The following SGK1 variants were observed in gnomAD, a reference collection of about 807,000 sequenced individuals.
SGK1 encodes serine/threonine-protein kinase Sgk1.
SGK1 carries 26 observed loss-of-function variants against 64.2 expected under a neutral mutation model. That is an observed-to-expected ratio of 0.40 (90% CI 0.30 to 0.56). SGK1 has a LOEUF of 0.56. Ranked by LOEUF, SGK1 falls within the 20% of genes least tolerant of loss-of-function variation. The pLI, the probability that SGK1 is intolerant of heterozygous loss-of-function variation, is 0.38. For missense variants in SGK1, 519 were observed against 645.6 expected (o/e 0.80, Z 2.12); for synonymous variants, 265 against 239.7 (o/e 1.11, Z -0.98).
intron 3 of SGK1, among the ~76,000 whole-genome samples, chr6:134,190,004 C>T (rs1298212217): frequency 1.3e-5 from 2 of 152,112 alleles, no homozygotes; most frequent in Non-Finnish European, 2.9e-5. Context: ...CACGCGCCAC[C>T]ATGCCCGGCT....
chr6:134,254,686 C>G (rs909983187), intron 2 of SGK1, among the ~76,000 whole-genome samples: 1 of 152,170 alleles, frequency 6.6e-6, no homozygotes, highest in Non-Finnish European at 1.5e-5. Context: ...CATACTTCCA[C>G]GTCTTTTAAT....
intron 2 of SGK1, among the ~76,000 whole-genome samples, chr6:134,238,857 G>A (rs62425170): frequency 0.078 from 11,947 of 152,230 alleles, 804 homozygotes; most frequent in East Asian, 0.26. Flanking sequence ...GAGATGCCAT[G>A]AACTGTGGGA....
chr6:134,265,121 A>G (rs1204452751), intron 1 of SGK1, among the ~76,000 whole-genome samples: 1 of 152,236 alleles, frequency 6.6e-6, no homozygotes, highest in Non-Finnish European at 1.5e-5. Flanking sequence ...GAAAAGCCAA[A>G]TACAAAACTG....
intron 1 of SGK1, among the ~76,000 whole-genome samples, chr6:134,278,864 G>GA (rs914395491): frequency 1.2e-4 from 17 of 145,732 alleles, no homozygotes; most frequent in South Asian, 2.1e-4. Context: ...AGAAGCACAA[G>GA]AAAAAAAAAA....
intron 1 of SGK1, among the ~76,000 whole-genome samples, chr6:134,290,854 C>T (rs946320647): frequency 2.2e-4 from 33 of 152,178 alleles, no homozygotes; most frequent in African/African-American, 7.5e-4. Flanking sequence ...ATGTGCAGGG[C>T]CCTGCCTGGA....
Position 134,300,632 on chromosome 6 carries a change from G to GT in SGK1, c.69+16759dup, listed in dbSNP as rs775160946. Among the ~76,000 whole-genome samples the GT allele has an allele frequency of 7.5e-3, 908 of 120,844 alleles. 16 individuals carry two copies. Among genetic ancestry groups the GT allele is most frequent in the East Asian group, 0.025 (85 of 3,390 alleles). 79.3% of individuals were successfully genotyped at this position (120,844 alleles called of 152,430 possible). On this transcript the variant is annotated intron_variant, in intron 1 of 13. Transcript: ENST00000367858. ...GAAAGGAGTTAAAAATAAATGTTTGGTTTTTTTTTTTTTTTTTGGAGATGG... is the reference window on the plus strand; with the variant it reads ...GAAAGGAGTTAAAAATAAATGTTTGGTTTTTTTTTTTTTTTTTTGGAGATGG...
At chr6:134,248,705 G>T (rs940331618) in intron 2 of SGK1, among the ~76,000 whole-genome samples, 1 of 152,000 alleles carries the variant, frequency 6.6e-6, no homozygotes, top group Non-Finnish European at 1.5e-5. Context: ...TACAGGTTTT[G>T]TCTCCTCATA....
chr6:134,255,345 T>C (rs753299283), intron 2 of SGK1, among the ~76,000 whole-genome samples: 2 of 152,090 alleles, frequency 1.3e-5, no homozygotes, highest in Non-Finnish European at 2.9e-5. Context: ...AGCAAGTAAT[T>C]ATCTGGGGTA....
At chr6:134,235,865 G>A (rs914482241) in intron 2 of SGK1, among the ~76,000 whole-genome samples, 6 of 151,914 alleles carry the variant, frequency 3.9e-5, no homozygotes, top group East Asian at 1.9e-4. Flanking sequence ...GTGAGCCGCC[G>A]CACCTGGCCA....
chr6:134,228,787 A>G (rs892168177), intron 2 of SGK1, among the ~76,000 whole-genome samples: 1 of 151,910 alleles, frequency 6.6e-6, no homozygotes, highest in Non-Finnish European at 1.5e-5. Flanking sequence ...TCCCCCATGG[A>G]GAATTTCAAA....
intron 1 of SGK1, among the ~76,000 whole-genome samples, chr6:134,312,191 T>A (rs1777618640): frequency 6.6e-6 from 1 of 152,204 alleles, no homozygotes; most frequent in Non-Finnish European, 1.5e-5. Context: ...TGACCCTCAG[T>A]TTCCTTGGCT....
intron 3 of SGK1, among the ~76,000 whole-genome samples, chr6:134,183,865 C>G (rs1272698845): frequency 7.3e-6 from 1 of 136,318 alleles, no homozygotes; most frequent in African/African-American, 2.6e-5. Context: ...CCCCACCCCC[C>G]ACCCCCGGCA....
chr6:134,240,953 T>G (rs898970717), intron 2 of SGK1, among the ~76,000 whole-genome samples: 2 of 152,114 alleles, frequency 1.3e-5, no homozygotes, highest in African/African-American at 4.8e-5. Context: ...AAGCCCTTTC[T>G]GCTTGAGGGC....
intron 1 of SGK1, among the ~76,000 whole-genome samples, chr6:134,301,506 CT>C (rs1223130149): frequency 2.6e-5 from 4 of 151,832 alleles, no homozygotes; most frequent in Non-Finnish European, 5.9e-5. Flanking sequence ...GAAGGACCAC[CT>C]TTTCTTCTCT....
intron 3 of SGK1, among the ~76,000 whole-genome samples, chr6:134,186,600 T>C (rs1775427206): frequency 6.6e-6 from 1 of 152,206 alleles, no homozygotes; most frequent in African/African-American, 2.4e-5. Context: ...TTACCACCCA[T>C]TCTATATTTC....
At chr6:134,181,405 C>T (rs546651744) in intron 3 of SGK1, among the ~76,000 whole-genome samples, 5 of 152,098 alleles carry the variant, frequency 3.3e-5, no homozygotes, top group Admixed American at 6.5e-5. Context: ...AGTGCAGTGG[C>T]GTGATCTCAG....
chr6:134,282,937 A>G (rs1350449452), intron 1 of SGK1, among the ~76,000 whole-genome samples: 1 of 151,842 alleles, frequency 6.6e-6, no homozygotes, highest in Non-Finnish European at 1.5e-5. Flanking sequence ...AGAAAGATAG[A>G]GATAAAAACT....
intron 2 of SGK1, among the ~76,000 whole-genome samples, chr6:134,221,828 T>C (rs577745735): frequency 6.6e-6 from 1 of 152,092 alleles, no homozygotes; most frequent in East Asian, 1.9e-4. Context: ...AATTTTTGTG[T>C]TTTTTGTAGA....
chr6:134,172,801 T>C, intron 8 of SGK1, 27 bp from the exon 9 acceptor site: 1 of 1,523,676 alleles, frequency 6.6e-7, no homozygotes, highest in Non-Finnish European at 9.1e-7. Flanking sequence ...AAAGTCATTC[T>C]GGGTTGCAAA....
Sources: gnomAD v4.1 joint callset for allele counts (sites outside exome capture counted in the v4.1 genomes callset) on GRCh38, gnomAD v4.1.1 for gene constraint, MANE v1.5 for transcripts, NCBI Gene and HGNC (gene_info 2026-07-23, HGNC 2026-07-21) for gene names.